The following TUBGCP3 variants were observed in gnomAD, a reference collection of about 807,000 sequenced individuals.
TUBGCP3 encodes tubulin gamma complex component 3, also known as gamma-tubulin complex component 3.
A neutral mutation model predicts 123.1 loss-of-function variants in TUBGCP3; 50 were observed. That is an observed-to-expected ratio of 0.41 (90% CI 0.32 to 0.51). The LOEUF (loss-of-function observed/expected upper bound fraction) is 0.51, where lower values mean the gene tolerates loss of function less well. Ranked by LOEUF, TUBGCP3 falls within the 20% of genes least tolerant of loss-of-function variation. The pLI, the probability that TUBGCP3 is intolerant of heterozygous loss-of-function variation, is 0.36. For missense variants in TUBGCP3, 882 were observed against 1,127.0 expected, an observed-to-expected ratio of 0.78 and a Z score of 3.11; for synonymous variants, 405 against 413.9, an observed-to-expected ratio of 0.98 and a Z score of 0.26.
At chr13:112,595,258 G>A in the TUBGCP3 span, among the ~76,000 whole-genome samples, 1 of 151,580 alleles carries the variant, frequency 6.6e-6, no homozygotes, top group African/African-American at 2.4e-5. Flanking sequence ...GTGCAGTGGT[G>A]CAATCTCAGC....
At chr13:112,494,347 A>T (rs1368088483) in intron 20 of TUBGCP3, among the ~76,000 whole-genome samples, 1 of 152,244 alleles carries the variant, frequency 6.6e-6, no homozygotes, top group Non-Finnish European at 1.5e-5. Context: ...GCAGCGTAAG[A>T]GTCTTCTCAC....
chr13:112,527,457 T>C lies in TUBGCP3; in HGVS notation c.1363A>G (p.Lys455Glu). The stretch of plus-strand genomic sequence containing the variant: ...TTGTCGTGCCACAGTCGATCTGTTT[T>C]AACTGTTGGATCTGATGCTACAAAA... ...EFFVASDPTVKTDRLWHDKYT... is the reference protein window; with the variant it reads ...EFFVASDPTVETDRLWHDKYT... Residue 455 changes from lysine (K) to glutamate (E), a missense_variant, in exon 12 of 22, where the codon AAA becomes GAA. This residue lies in a region of TUBGCP3 where 713 missense variants were observed against 874.0 expected (regional missense o/e 0.82). Coordinates refer to ENST00000261965, the MANE Select transcript of TUBGCP3 (RefSeq NM_006322.6). 1.2e-6 allele frequency: 2 copies of C among 1,612,600 alleles called. No homozygotes were observed. Among genetic ancestry groups the C allele is most frequent in the South Asian group, 1.1e-5 (1 of 90,576 alleles).
chr13:112,526,350 CCAT>C (rs1179630983), intron 13 of TUBGCP3, among the ~76,000 whole-genome samples: 5 of 142,952 alleles, frequency 3.5e-5, no homozygotes, highest in Admixed American at 2.1e-4. Flanking sequence ...CCACCCATCC[CCAT>C]CATCACTATC....
chr13:112,586,179 G>A (rs1011699711), intron 1 of TUBGCP3, among the ~76,000 whole-genome samples: 38 of 151,880 alleles, frequency 2.5e-4, no homozygotes, highest in African/African-American at 8.5e-4. Context: ...GTAGAGCTTG[G>A]CAGTGAGCCG....
At chr13:112,489,241 A>G (rs11842345) in intron 21 of TUBGCP3, among the ~76,000 whole-genome samples, 140 of 144,932 alleles carry the variant, frequency 9.7e-4, no homozygotes, top group African/African-American at 3.5e-3. Context: ...GGCCACGCCC[A>G]GGTCCCCACA....
At chr13:112,554,380 G>A (rs1879849358) in intron 7 of TUBGCP3, among the ~76,000 whole-genome samples, 198 bp from the exon 8 acceptor site, 1 of 152,208 alleles carries the variant, frequency 6.6e-6, no homozygotes, top group Non-Finnish European at 1.5e-5. Flanking sequence ...CAAAGGGCAT[G>A]GTGAGCTCAT....
intron 16 of TUBGCP3, among the ~76,000 whole-genome samples, chr13:112,516,914 C>T (rs1294389228): frequency 2.0e-5 from 3 of 152,144 alleles, no homozygotes; most frequent in African/African-American, 7.2e-5. Flanking sequence ...AACAGTAGCT[C>T]CTAAGGGTGG....
chr13:112,567,765 C>A (rs1429321081), intron 2 of TUBGCP3, among the ~76,000 whole-genome samples: 1 of 152,204 alleles, frequency 6.6e-6, no homozygotes, highest in Non-Finnish European at 1.5e-5. Flanking sequence ...ACTGACTCGC[C>A]ATCCAGTGCA....
the TUBGCP3 span, among the ~76,000 whole-genome samples, chr13:112,602,325 C>T: frequency 4.6e-5 from 7 of 152,214 alleles, no homozygotes; most frequent in Non-Finnish European, 7.4e-5. Context: ...ATGATTAGAG[C>T]GCTTATTCCC....
In TUBGCP3 at chr13:112,527,419, C is replaced by T. The variant is rs1193149591; in HGVS notation, c.1401G>A (p.Arg467=). ...TCATAAACGAAGGAATCATCGATTTCCTCAAAGTATACTTGTCGTGCCACA... is the reference window on the plus strand; with the variant it reads ...TCATAAACGAAGGAATCATCGATTTTCTCAAAGTATACTTGTCGTGCCACA... ...DRLWHDKYTL[R]KSMIPSFMTM... is the part of the protein sequence containing the mutation. Residue 467 remains arginine, a synonymous_variant, in exon 12 of 22, where the codon AGG becomes AGA. Coordinates refer to ENST00000261965, the MANE Select transcript of TUBGCP3 (RefSeq NM_006322.6). The T allele has an allele frequency of 2.5e-6, 4 of 1,602,370 alleles. No individual in the cohort carries two copies. Among genetic ancestry groups the T allele is most frequent in the Middle Eastern group, 1.7e-4 (1 of 6,006 alleles).
chr13:112,556,183 T>G lies in TUBGCP3; in HGVS notation c.590A>C (p.Gln197Pro), dbSNP rs772969270. Residue 197 changes from glutamine to proline, a missense_variant, in exon 6 of 22, where the codon CAG (glutamine) becomes CCG (proline). By Grantham distance (76) the Gln-to-Pro change is moderately conservative. Transcript: ENST00000261965. ...CCATGCGAGTCGTGACCCCAACTGC[T>G]GTCGAAGGCAATCTCCTACTCCTGG... Reference protein sequence around the residue: ...QAPGVGDCLRQQLGSRLAWTL... With the variant: ...QAPGVGDCLRPQLGSRLAWTL... 1.2e-5 allele frequency: 20 copies of G among 1,614,056 alleles called. No homozygotes were observed. In the South Asian group the frequency reaches 2.1e-4, roughly 17 times the overall value.
chr13:112,571,277 G>A (rs894994635), intron 1 of TUBGCP3, among the ~76,000 whole-genome samples: 3 of 152,196 alleles, frequency 2.0e-5, no homozygotes, highest in Non-Finnish European at 2.9e-5. Flanking sequence ...TTTCTCAAGT[G>A]ATAAGATTTG....
At chr13:112,565,376 C>T (rs559518831) in intron 2 of TUBGCP3, among the ~76,000 whole-genome samples, 198 bp from the exon 3 acceptor site, 16 of 152,160 alleles carry the variant, frequency 1.1e-4, no homozygotes, top group Admixed American at 2.0e-4. Flanking sequence ...TTGTAAAGTA[C>T]GGAAAATATT....
intron 20 of TUBGCP3, among the ~76,000 whole-genome samples, chr13:112,493,854 C>G (rs972311620): frequency 1.3e-5 from 2 of 148,256 alleles, no homozygotes; most frequent in Admixed American, 6.7e-5. Flanking sequence ...GCTATAGGAA[C>G]ATGGCCTGGT....
At chr13:112,593,592 G>A in the TUBGCP3 span, among the ~76,000 whole-genome samples, 1 of 152,022 alleles carries the variant, frequency 6.6e-6, no homozygotes, top group Non-Finnish European at 1.5e-5. Flanking sequence ...AGAATCCTTT[G>A]AAACTAGTAG....
At chr13:112,574,580 A>T (rs977012817) in intron 1 of TUBGCP3, among the ~76,000 whole-genome samples, 1 of 152,280 alleles carries the variant, frequency 6.6e-6, no homozygotes, top group Non-Finnish European at 1.5e-5. Flanking sequence ...TCCCTGAAAG[A>T]TGTAAAGAAA....
chr13:112,553,879 G>A (rs913993693), intron 8 of TUBGCP3, among the ~76,000 whole-genome samples, 178 bp downstream of exon 8: 14 of 152,178 alleles, frequency 9.2e-5, no homozygotes, highest in African/African-American at 3.4e-4. Flanking sequence ...TGTATTCAGT[G>A]TCCTCATCAG....
chr13:112,584,523 A>C (rs1882480923), intron 1 of TUBGCP3, among the ~76,000 whole-genome samples: 1 of 152,224 alleles, frequency 6.6e-6, no homozygotes, highest in African/African-American at 2.4e-5. Context: ...ACCATTTTGG[A>C]AAATCATGAA....
intron 1 of TUBGCP3, among the ~76,000 whole-genome samples, chr13:112,586,361 C>G (rs1882610200): frequency 6.6e-6 from 1 of 151,750 alleles, no homozygotes; most frequent in South Asian, 2.1e-4. Context: ...GAAAAAAAAA[C>G]TCTGGAACCA....
Sources: gnomAD v4.1 joint callset for allele counts (sites outside exome capture counted in the v4.1 genomes callset) on GRCh38, gnomAD v4.1.1 for gene constraint, gnomAD v4.1.1 regional missense constraint, MANE v1.5 for transcripts, NCBI Gene and HGNC (gene_info 2026-07-23, HGNC 2026-07-21) for gene names.